Variants in SERTM2 observed in about 807,000 individuals in gnomAD.
SERTM2 encodes the protein serine rich and transmembrane domain containing 2.
chrX:111,522,225 CTTTTT>C lies in SERTM2; in HGVS notation c.*3099_*3103del, dbSNP rs764872151. On this transcript the variant is annotated 3_prime_UTR_variant, in exon 3 of 3. Transcript: ENST00000569275. ...ATTCACTTGCATTTGTACAAAAGAA[CTTTTT>C]TTTAACAAAATGAAGAATTGTGTGG... 9.0e-5 allele frequency: 10 copies of C among 111,096 alleles called. No homozygotes were observed. The highest frequency in any genetic ancestry group is 1.7e-4 in the Non-Finnish European group (9 of 52,946). The allele number at this position is 111,096 out of a possible 1,213,427, so 9.2% of individuals were successfully genotyped here. A position where few individuals can be genotyped will look rare whatever the true frequency, so the allele number is the denominator to read the frequency against.
chrX:111,517,268 G>A (rs1237489753), intron 2 of SERTM2, among the ~76,000 whole-genome samples: 2 of 111,317 alleles, frequency 1.8e-5, no homozygotes, highest in Non-Finnish European at 3.8e-5. Context: ...ATTCATTAAA[G>A]TAACAATTGT....
In SERTM2 at chrX:111,520,371, A is replaced by T. The variant is rs778741480; in HGVS notation, c.*1241A>T. On this transcript the variant is annotated 3_prime_UTR_variant, in exon 3 of 3. Transcript: ENST00000569275. The stretch of plus-strand genomic sequence containing the variant: ...AATCAGAATTTAAAAAACTGGTCAT[A>T]TTCTTGCCACCAAAGGACGAGTACA... 9 of 111,940 alleles carry T rather than the reference A, an allele frequency of 8.0e-5. No individual in the cohort carries two copies. The highest frequency in any genetic ancestry group is 2.9e-4 in the African/African-American group (9 of 30,827). The allele number at this position is 111,940 out of a possible 1,213,427, so 9.2% of individuals were successfully genotyped here.
In SERTM2 at chrX:111,519,043, T is replaced by C. The variant is rs1930367190; in HGVS notation, c.186T>C (p.His62=). 1 of 297,392 alleles carries C rather than the reference T, an allele frequency of 3.4e-6. No individual in the cohort carries two copies. 24.5% of individuals were successfully genotyped at this position (297,392 alleles called of 1,213,427 possible). A position where few individuals can be genotyped will look rare whatever the true frequency, so the allele number is the denominator to read the frequency against. The change falls in exon 3 of 3, where the codon CAT becomes CAC. Residue 62 remains histidine, a synonymous_variant. Coordinates refer to ENST00000569275, the MANE Select transcript of SERTM2 (RefSeq NM_001354473.2). The part of the protein sequence containing the change: ...LLFTMLLRLK[H]VISPINSDST... ...TCACAATGCTCCTTCGGCTCAAACA[T>C]GTCATCTCGCCCATCAACTCTGACA...
At chrX:111,516,339 T>TG (rs1210929423) in intron 2 of SERTM2, among the ~76,000 whole-genome samples, 4 of 108,866 alleles carry the variant, frequency 3.7e-5, no homozygotes, top group Non-Finnish European at 5.7e-5. Flanking sequence ...TCACCATTTT[T>TG]GGGGGGTGAC....
In SERTM2 at chrX:111,512,451, T is replaced by C. The variant is rs530927338; in HGVS notation, c.-784+357T>C. On this transcript the variant is annotated intron_variant, in intron 2 of 2. Transcript: ENST00000569275. The stretch of plus-strand genomic sequence containing the variant: ...GGTTTTCCTTAACTACTTGATGAGA[T>C]TTCAGCTCTGGAATTATATAGGCAG... Among the ~76,000 whole-genome samples, 9 of 112,116 alleles carry C rather than the reference T, an allele frequency of 8.0e-5. No individual in the cohort carries two copies. The South Asian group carries it at 3.3e-3, about 41-fold the overall frequency.
Position 111,512,035 on chromosome X carries a change from T to C in SERTM2, c.-843T>C. 3.4e-6 allele frequency: 1 copy of C among 296,530 alleles called. No homozygotes were observed. Among genetic ancestry groups the C allele is most frequent in the Non-Finnish European group, 5.9e-6 (1 of 169,464 alleles). 24.4% of individuals were successfully genotyped at this position (296,530 alleles called of 1,213,427 possible). A position where few individuals can be genotyped will look rare whatever the true frequency, so the allele number is the denominator to read the frequency against. On this transcript the variant is annotated 5_prime_UTR_variant, in exon 2 of 3. Coordinates refer to ENST00000569275, the MANE Select transcript of SERTM2 (RefSeq NM_001354473.2). Reference sequence around the variant, plus strand: ...TGTTCCTGAACAAGTTACCTGTTGGTGAAAGCTTCAAAAGGGATACTTAAG... The same window carrying C: ...TGTTCCTGAACAAGTTACCTGTTGGCGAAAGCTTCAAAAGGGATACTTAAG...
At chrX:111,515,348 T>C (rs1930292522) in intron 2 of SERTM2, among the ~76,000 whole-genome samples, 1 of 111,840 alleles carries the variant, frequency 8.9e-6, no homozygotes, top group African/African-American at 3.2e-5. Context: ...CATTAAGCTC[T>C]TATCTCTAGG....
In SERTM2 at chrX:111,521,033, T is replaced by A. The variant is rs1653926645; in HGVS notation, c.*1903T>A. On this transcript the variant is annotated 3_prime_UTR_variant, in exon 3 of 3. Transcript: ENST00000569275. Reference sequence around the variant, plus strand: ...ATCTTCCCTCATTCCAGGCTCTCACTTTTGTGCCCACAGTATTTGAATGCA... The same window carrying A: ...ATCTTCCCTCATTCCAGGCTCTCACATTTGTGCCCACAGTATTTGAATGCA... 1 of 111,689 alleles carries A rather than the reference T, an allele frequency of 9.0e-6. No homozygotes were observed. The highest frequency in any genetic ancestry group is 3.8e-4 in the South Asian group (1 of 2,666). 9.2% of individuals were successfully genotyped at this position (111,689 alleles called of 1,213,427 possible).
rs1393013636 is a variant in SERTM2, at chrX:111,520,232, T to A, written c.*1102T>A. 8.9e-6 allele frequency: 1 copy of A among 111,990 alleles called. No individual in the cohort carries two copies. The highest frequency in any genetic ancestry group is 1.9e-5 in the Non-Finnish European group (1 of 53,181). The allele number at this position is 111,990 out of a possible 1,213,427, so 9.2% of individuals were successfully genotyped here. A position where few individuals can be genotyped will look rare whatever the true frequency, so the allele number is the denominator to read the frequency against. On this transcript the variant is annotated 3_prime_UTR_variant, in exon 3 of 3. Coordinates refer to ENST00000569275, the MANE Select transcript of SERTM2 (RefSeq NM_001354473.2). Reference sequence around the variant, plus strand: ...ACTTATTACCTATAAGAGAATTATATTTTGAAAAATTCCATTCTCATAAGT... The same window carrying A: ...ACTTATTACCTATAAGAGAATTATAATTTGAAAAATTCCATTCTCATAAGT...
At chrX:111,514,977 T>C (rs1930285320) in intron 2 of SERTM2, among the ~76,000 whole-genome samples, 1 of 110,340 alleles carries the variant, frequency 9.1e-6, no homozygotes, top group South Asian at 3.9e-4. Flanking sequence ...TGGAGAAGGA[T>C]AGGTAAGAGG....
At chrX:111,512,137 G>A in intron 2 of SERTM2, 43 bp downstream of exon 2, 1 of 291,893 alleles carries the variant, frequency 3.4e-6, no homozygotes, top group Non-Finnish European at 6.0e-6. Flanking sequence ...TCCCGGTGAA[G>A]TGAGAGGCAT....
chrX:111,518,289 A>G lies in SERTM2; in HGVS notation c.-569A>G, dbSNP rs1930351044. Reference sequence around the variant, plus strand: ...GCTGGGCAGGAACCTTACAATCTCCATCCTTAGGGAAGGTTCAGAAATACA... The same window carrying G: ...GCTGGGCAGGAACCTTACAATCTCCGTCCTTAGGGAAGGTTCAGAAATACA... On this transcript the variant is annotated 5_prime_UTR_variant, in exon 3 of 3. Transcript: ENST00000569275. 9.0e-6 allele frequency: 1 copy of G among 111,378 alleles called. No individual in the cohort carries two copies. Among genetic ancestry groups the G allele is most frequent in the Non-Finnish European group, 1.9e-5 (1 of 53,036 alleles). The allele number at this position is 111,378 out of a possible 1,213,427, so 9.2% of individuals were successfully genotyped here. A position where few individuals can be genotyped will look rare whatever the true frequency, so the allele number is the denominator to read the frequency against.
Position 111,522,058 on chromosome X carries a change from G to A in SERTM2, c.*2928G>A, listed in dbSNP as rs1930421554. The stretch of plus-strand genomic sequence containing the variant: ...AATCAAGTAAAGATGAATTCATCCA[G>A]CCTAACCTTTCCATCCATGCCAAAT... On this transcript the variant is annotated 3_prime_UTR_variant, in exon 3 of 3. Coordinates refer to ENST00000569275, the MANE Select transcript of SERTM2 (RefSeq NM_001354473.2). 2 of 111,593 alleles carry A rather than the reference G, an allele frequency of 1.8e-5. No homozygotes were observed. The allele number at this position is 111,593 out of a possible 1,213,427, so 9.2% of individuals were successfully genotyped here.
intron 2 of SERTM2, among the ~76,000 whole-genome samples, chrX:111,514,772 T>A (rs948878954): frequency 4.5e-5 from 5 of 111,756 alleles, no homozygotes; most frequent in African/African-American, 1.6e-4. Context: ...AGACTAGTTA[T>A]AAATAAATTG....
chrX:111,515,937 T>C (rs777275003), intron 2 of SERTM2, among the ~76,000 whole-genome samples: 1 of 110,661 alleles, frequency 9.0e-6, no homozygotes, highest in Non-Finnish European at 1.9e-5. Context: ...TCAGGGTGAT[T>C]AGTCCATATA....
At chrX:111,513,731 A>G (rs1459548312) in intron 2 of SERTM2, among the ~76,000 whole-genome samples, 1 of 111,674 alleles carries the variant, frequency 9.0e-6, no homozygotes, top group Non-Finnish European at 1.9e-5. Context: ...CCCTAAATTG[A>G]CCAGACTGTT....
intron 2 of SERTM2, among the ~76,000 whole-genome samples, chrX:111,514,210 CAATCGGATCAGAGAT>C (rs1401068091): frequency 9.0e-6 from 1 of 111,244 alleles, no homozygotes; most frequent in Non-Finnish European, 1.9e-5. Context: ...GCTATATTAG[CAATCGGATCAGAGAT>C]AAGACTGTGC....
chrX:111,517,218 A>C (rs1240900562), intron 2 of SERTM2, among the ~76,000 whole-genome samples: 1 of 111,237 alleles, frequency 9.0e-6, no homozygotes, highest in Non-Finnish European at 1.9e-5. Flanking sequence ...GAACAAAAAA[A>C]GAAAATTGGA....
At chrX:111,513,934 T>C (rs190765319) in intron 2 of SERTM2, among the ~76,000 whole-genome samples, 118 of 111,648 alleles carry the variant, frequency 1.1e-3, no homozygotes, top group Middle Eastern at 4.7e-3. Flanking sequence ...GTCAATTGTG[T>C]AGGAGGCAGA....
Sources: gnomAD v4.1 joint callset for allele counts (sites outside exome capture counted in the v4.1 genomes callset) on GRCh38, gnomAD v4.1.1 for gene constraint, MANE v1.5 for transcripts, NCBI Gene and HGNC (gene_info 2026-07-23, HGNC 2026-07-21) for gene names.